The following SUN5 variants were observed in gnomAD, a reference collection of about 807,000 sequenced individuals.
SUN5 encodes the protein Sad1 and UNC84 domain containing 5.
Under a neutral mutation model 53.7 loss-of-function variants are expected in SUN5, and 44 were observed. That is an observed-to-expected ratio of 0.82 (90% confidence interval 0.64 to 1.05). The LOEUF (loss-of-function observed/expected upper bound fraction) is 1.05, where lower values mean the gene tolerates loss of function less well. Ranked by LOEUF, SUN5 falls within the 50% of genes least tolerant of loss-of-function variation. The pLI is 0.00. For synonymous variants in SUN5, 166 were observed against 179.8 expected, an observed-to-expected ratio of 0.92 and a Z score of 0.62; for missense variants, 433 against 483.8, an observed-to-expected ratio of 0.90 and a Z score of 0.98.
intron 7 of SUN5, among the ~76,000 whole-genome samples, chr20:32,996,035 A>T (rs1050440007): frequency 6.6e-6 from 1 of 152,162 alleles, no homozygotes; most frequent in African/African-American, 2.4e-5. Flanking sequence ...CCATTTGCTG[A>T]GCACTGACTA....
intron 5 of SUN5, among the ~76,000 whole-genome samples, chr20:32,999,322 C>T (rs112262680): frequency 1.3e-5 from 2 of 151,998 alleles, no homozygotes; most frequent in Non-Finnish European, 2.9e-5. Flanking sequence ...AGGCTGGGCA[C>T]GATGGCTCAC....
chr20:32,985,297 C>A, intron 11 of SUN5, 112 bp from the exon 12 acceptor site: 1 of 905,966 alleles, frequency 1.1e-6, no homozygotes. Context: ...CTCACTACCT[C>A]TTTGGGCACC....
At chr20:32,988,539 G>T (rs1190235307) in intron 9 of SUN5, among the ~76,000 whole-genome samples, 1 of 151,902 alleles carries the variant, frequency 6.6e-6, no homozygotes, top group Non-Finnish European at 1.5e-5. Flanking sequence ...CTCCCTCCTC[G>T]CCACCTGCCT....
intron 1 of SUN5, 98 bp from the exon 2 acceptor site, chr20:33,003,017 C>A (rs1990094928): frequency 7.1e-7 from 1 of 1,407,724 alleles, no homozygotes; most frequent in African/African-American, 1.4e-5. Context: ...AACTGAGGTA[C>A]AGAGAAGGTT....
intron 11 of SUN5, among the ~76,000 whole-genome samples, chr20:32,985,452 T>G (rs1989509869): frequency 6.6e-6 from 1 of 151,952 alleles, no homozygotes; most frequent in Non-Finnish European, 1.5e-5. Flanking sequence ...ACCGAGACAG[T>G]TCAGATAACG....
At position 33,001,278 on chromosome 20, in the gene SUN5, G is replaced by C. The variant is rs199513550; in HGVS notation, c.212C>G (p.Ser71Cys). ...GLTQCMLGCVSWFTCFACSLR... is the reference protein window; with the variant it reads ...GLTQCMLGCVCWFTCFACSLR... ...GGAGCAGGCAAAACAGGTGAACCAG[G>C]CTGCACGGGAGACAGAAAAGCAGTG... Residue 71 changes from serine (S) to cysteine (C), a missense_variant and splice_region_variant, in exon 4 of 13, where the codon TCC (serine) becomes TGC (cysteine). Coordinates refer to ENST00000356173, the MANE Select transcript of SUN5 (RefSeq NM_080675.4). The C allele has an allele frequency of 3.2e-6, 5 of 1,572,170 alleles. No individual in the cohort carries two copies. In the East Asian group the frequency reaches 1.2e-4, roughly 37 times the overall value.
At chr20:32,996,728 A>C (rs1989861538) in intron 6 of SUN5, among the ~76,000 whole-genome samples, 1 of 150,630 alleles carries the variant, frequency 6.6e-6, no homozygotes, top group Non-Finnish European at 1.5e-5. Flanking sequence ...CCACCCACCC[A>C]CTCATCTATC....
intron 12 of SUN5, 47 bp from the exon 13 acceptor site, chr20:32,983,996 C>G: frequency 6.8e-7 from 1 of 1,465,336 alleles, no homozygotes; most frequent in Non-Finnish European, 9.0e-7. Flanking sequence ...AGACTCCCAC[C>G]CTGCCTTTCC....
chr20:32,989,435 C>G (rs1428768900), intron 9 of SUN5, among the ~76,000 whole-genome samples, 185 bp downstream of exon 9: 1 of 147,152 alleles, frequency 6.8e-6, no homozygotes, highest in Non-Finnish European at 1.5e-5. Context: ...CACCCCTACC[C>G]CCATACCCCA....
chr20:32,986,521 T>C (rs1989543849), intron 10 of SUN5, among the ~76,000 whole-genome samples: 1 of 151,938 alleles, frequency 6.6e-6, no homozygotes, highest in African/African-American at 2.4e-5. Flanking sequence ...ATTTGAACAG[T>C]GGATGCTAGC....
intron 3 of SUN5, 69 bp from the exon 4 acceptor site, chr20:33,001,347 A>T: frequency 6.5e-7 from 1 of 1,531,896 alleles, no homozygotes; most frequent in East Asian, 2.5e-5. Flanking sequence ...GGACCTGCTG[A>T]CCTTTCTGGG....
intron 7 of SUN5, 26 bp downstream of exon 7, chr20:32,996,298 A>G (rs1386267950): frequency 1.9e-6 from 3 of 1,611,590 alleles, no homozygotes; most frequent in South Asian, 2.2e-5. Flanking sequence ...AGGTAATAAT[A>G]TGGTTACCCA....
intron 8 of SUN5, among the ~76,000 whole-genome samples, chr20:32,990,247 T>C (rs1022262640): frequency 1.3e-5 from 2 of 152,218 alleles, no homozygotes; most frequent in African/African-American, 2.4e-5. Context: ...CCAGCTGGTA[T>C]GAGGCAGAGC....
chr20:32,989,501 G>T (rs1989649851), intron 9 of SUN5, 119 bp downstream of exon 9: 1 of 688,264 alleles, frequency 1.5e-6, no homozygotes. Context: ...AACCAGCTTG[G>T]AACAGAGGAT....
chr20:32,992,666 G>T (rs141089099), intron 8 of SUN5, among the ~76,000 whole-genome samples: 1 of 152,270 alleles, frequency 6.6e-6, no homozygotes, highest in African/African-American at 2.4e-5. Flanking sequence ...GCTATAGCCT[G>T]GGAGGAGATA....
chr20:32,989,801 T>A, intron 8 of SUN5, 103 bp from the exon 9 acceptor site: 1 of 953,422 alleles, frequency 1.0e-6, no homozygotes, highest in Non-Finnish European at 1.6e-6. Flanking sequence ...CGCTGTCCTC[T>A]CCCTAACAGC....
Position 32,996,234 on chromosome 20 carries a change from G to A in SUN5, c.425+90C>T, listed in dbSNP as rs73119673. 5,181 of 1,340,454 alleles carry A rather than the reference G, an allele frequency of 3.9e-3. 14 individuals are homozygous for A. The highest frequency in any genetic ancestry group is 5.0e-3 in the Non-Finnish European group (4,706 of 950,320). The allele number at this position is 1,340,454 out of a possible 1,614,324, so 83.0% of individuals were successfully genotyped here. A position where few individuals can be genotyped will look rare whatever the true frequency, so the allele number is the denominator to read the frequency against. The stretch of plus-strand genomic sequence containing the variant: ...TTAAACCCAGGTTGATCTGACTGCA[G>A]AGCCTATATTTGTAGCCAATACACC... On this transcript the variant is annotated intron_variant, in intron 7 of 12. Coordinates refer to ENST00000356173, the MANE Select transcript of SUN5 (RefSeq NM_080675.4).
At chr20:32,984,032 T>G in intron 12 of SUN5, 83 bp from the exon 13 acceptor site, 1 of 1,427,422 alleles carries the variant, frequency 7.0e-7, no homozygotes, top group Non-Finnish European at 9.2e-7. Flanking sequence ...AAGGGAAGTT[T>G]CCCATTTCAT....
At chr20:32,985,495 T>C (rs1001786685) in intron 11 of SUN5, among the ~76,000 whole-genome samples, 2 of 151,972 alleles carry the variant, frequency 1.3e-5, no homozygotes, top group Non-Finnish European at 2.9e-5. Flanking sequence ...GGGGGCTCCA[T>C]GGTCTCTGAA....
Sources: gnomAD v4.1 joint callset for allele counts (sites outside exome capture counted in the v4.1 genomes callset) on GRCh38, gnomAD v4.1.1 for gene constraint, MANE v1.5 for transcripts, NCBI Gene and HGNC (gene_info 2026-07-23, HGNC 2026-07-21) for gene names.